Variants in GRIP1 observed in about 807,000 individuals in gnomAD.
The protein encoded by GRIP1 is glutamate receptor-interacting protein 1.
In GRIP1, 45 loss-of-function variants were observed where a neutral mutation model predicts 129.9. That is an observed-to-expected ratio of 0.35 (90% CI 0.27 to 0.44). GRIP1 has a LOEUF of 0.44. GRIP1 is among the 20% of genes least tolerant of loss of function. The pLI is 1.00. For missense variants in GRIP1, 1,196 were observed against 1,396.8 expected, an observed-to-expected ratio of 0.86 and a Z score of 2.29; for synonymous variants, 530 against 520.8, an observed-to-expected ratio of 1.02 and a Z score of -0.24.
chr12:66,573,610 G>A (rs1412658962), intron 2 of GRIP1, among the ~76,000 whole-genome samples: 1 of 152,148 alleles, frequency 6.6e-6, no homozygotes, highest in Non-Finnish European at 1.5e-5. Flanking sequence ...AGGCAGGCTA[G>A]CTCCAGAGCC....
At chr12:66,406,664 A>C (rs873908) in intron 15 of GRIP1, among the ~76,000 whole-genome samples, 76,179 of 152,106 alleles carry the variant, frequency 0.5, 22,375 homozygotes, top group Non-Finnish European at 0.66. Flanking sequence ...TTTTTCAATT[A>C]AACAAGAACA....
intron 2 of GRIP1, among the ~76,000 whole-genome samples, chr12:66,589,850 T>TTC (rs1278196422): frequency 3.9e-5 from 6 of 152,302 alleles, no homozygotes; most frequent in Non-Finnish European, 8.8e-5. Context: ...TAGGCCCAAC[T>TTC]TCTCTATTCA....
At chr12:66,718,799 T>C (rs577343082) in intron 1 of GRIP1, among the ~76,000 whole-genome samples, 1 of 152,062 alleles carries the variant, frequency 6.6e-6, no homozygotes, top group East Asian at 1.9e-4. Context: ...TTCCACTGAG[T>C]CAAGATTATG....
intron 2 of GRIP1, among the ~76,000 whole-genome samples, chr12:66,587,469 A>G (rs1382058692): frequency 6.6e-6 from 1 of 152,254 alleles, no homozygotes; most frequent in Non-Finnish European, 1.5e-5. Context: ...TAGGCCAGGC[A>G]TTCAATGTTT....
chr12:66,792,333 TC>T (rs2038566295), intron 1 of GRIP1, among the ~76,000 whole-genome samples: 2 of 152,144 alleles, frequency 1.3e-5, no homozygotes, highest in Admixed American at 1.3e-4. Flanking sequence ...GCTCAAGTGA[TC>T]CTTCTGCCTC....
At chr12:66,518,609 A>G (rs2060913629) in intron 5 of GRIP1, among the ~76,000 whole-genome samples, 1 of 152,182 alleles carries the variant, frequency 6.6e-6, no homozygotes, top group Non-Finnish European at 1.5e-5. Flanking sequence ...AATTTATTGT[A>G]AATTTTCTTT....
chr12:66,937,207 C>T (rs958640657), intron 1 of GRIP1, among the ~76,000 whole-genome samples: 3 of 152,172 alleles, frequency 2.0e-5, no homozygotes, highest in East Asian at 3.9e-4. Context: ...AATGTCATTT[C>T]TCTGCTGATC....
Position 66,873,618 on chromosome 12 carries a change from T to C in GRIP1, c.58+195432A>G, listed in dbSNP as rs531052873. Among the ~76,000 whole-genome samples, 5 of 152,218 alleles carry C rather than the reference T, an allele frequency of 3.3e-5. No homozygotes were observed. In the South Asian group the frequency reaches 1.0e-3, roughly 32 times the overall value. ...CTAGAAAACCTGGTGACTATTTATA[T>C]TCTGAATACTAAAATCTTTTAGTTA... On this transcript the variant is annotated intron_variant, in intron 1 of 1. Transcript: ENST00000643019.
At position 66,839,429 on chromosome 12, in the gene GRIP1, G is replaced by A. The variant is rs1384105981; in HGVS notation, c.58+229621C>T. On this transcript the variant is annotated intron_variant, in intron 1 of 1. Coordinates refer to the GRIP1 transcript ENST00000643019. ...TTTTCAAAATGATTTAATTCTGCAA[G>A]TTAATTGCATGCAGTATTCATCTGT... 2.0e-5 allele frequency among the ~76,000 whole-genome samples: 3 copies of A among 152,114 alleles called. 1 individual carries two copies. Among genetic ancestry groups the A allele is most frequent in the Non-Finnish European group, 4.4e-5 (3 of 68,010 alleles).
At chr12:67,016,986 A>C (rs1284491089) in intron 1 of GRIP1, among the ~76,000 whole-genome samples, 1 of 152,212 alleles carries the variant, frequency 6.6e-6, no homozygotes, top group Non-Finnish European at 1.5e-5. Context: ...TAAGAACATC[A>C]GTGCTGGTGC....
intron 1 of GRIP1, among the ~76,000 whole-genome samples, chr12:66,770,002 G>C (rs978026465): frequency 1.3e-5 from 2 of 152,128 alleles, no homozygotes; most frequent in African/African-American, 4.8e-5. Flanking sequence ...TCCCAAATCT[G>C]CCACTCACCA....
intron 7 of GRIP1, among the ~76,000 whole-genome samples, chr12:66,473,193 T>C (rs932467464): frequency 6.6e-6 from 1 of 152,076 alleles, no homozygotes; most frequent in Non-Finnish European, 1.5e-5. Flanking sequence ...CCCCTCACAG[T>C]GTAAACAAAG....
intron 1 of GRIP1, among the ~76,000 whole-genome samples, chr12:66,770,686 C>A (rs1370784567): frequency 6.6e-6 from 1 of 152,128 alleles, no homozygotes; most frequent in Non-Finnish European, 1.5e-5. Flanking sequence ...ATCTGTTTAA[C>A]TTTACTCTGT....
At chr12:67,014,405 C>T (rs911891135) in intron 1 of GRIP1, among the ~76,000 whole-genome samples, 1 of 152,024 alleles carries the variant, frequency 6.6e-6, no homozygotes, top group Non-Finnish European at 1.5e-5. Context: ...AAAGCACTCA[C>T]AATGACAAAT....
At chr12:66,499,068 T>C (rs940289691) in intron 7 of GRIP1, among the ~76,000 whole-genome samples, 11 of 152,338 alleles carry the variant, frequency 7.2e-5, no homozygotes, top group Non-Finnish European at 1.5e-4. Context: ...ATTTTGGAAA[T>C]GTAGCCTTCA....
At chr12:66,578,319 G>A (rs1384328345) in intron 2 of GRIP1, among the ~76,000 whole-genome samples, 2 of 145,232 alleles carry the variant, frequency 1.4e-5, no homozygotes, top group South Asian at 2.2e-4. Context: ...ACAGCTCCCA[G>A]TGTGAGCGAC....
chr12:66,479,611 C>G (rs1055530714), intron 7 of GRIP1, among the ~76,000 whole-genome samples: 26 of 152,066 alleles, frequency 1.7e-4, no homozygotes, highest in Admixed American at 1.3e-4. Flanking sequence ...GGCAGAGACA[C>G]AACAAAAAAA....
chr12:66,493,651 A>G lies in GRIP1; in HGVS notation c.724+21968T>C, dbSNP rs187636856. Among the ~76,000 whole-genome samples, 7 of 152,224 alleles carry G rather than the reference A, an allele frequency of 4.6e-5. 1 individual carries two copies. The highest frequency in any genetic ancestry group is 2.0e-4 in the Admixed American group (3 of 15,296). On this transcript the variant is annotated intron_variant, in intron 7 of 24. Coordinates refer to ENST00000359742, the MANE Select transcript of GRIP1 (RefSeq NM_001366722.1). Reference sequence around the variant, plus strand: ...AATAGTTCTGTGGATAACTTGATCTATGGAATCCAATTACATGCAGAGCAC... The same window carrying G: ...AATAGTTCTGTGGATAACTTGATCTGTGGAATCCAATTACATGCAGAGCAC...
intron 2 of GRIP1, among the ~76,000 whole-genome samples, chr12:66,595,040 C>T (rs1399821373): frequency 6.6e-6 from 1 of 152,154 alleles, no homozygotes; most frequent in African/African-American, 2.4e-5. Flanking sequence ...CTGGCTGGTG[C>T]AATCTTTTTT....
Sources: allele counts gnomAD v4.1 joint callset (sites outside exome capture counted in the v4.1 genomes callset), GRCh38; gene constraint gnomAD v4.1.1; transcripts MANE v1.5; gene names NCBI Gene and HGNC (gene_info 2026-07-23, HGNC 2026-07-21).